TFDP1: variants seen among roughly 807,000 people sequenced by gnomAD.
The protein encoded by TFDP1 is DRTF1-polypeptide 1.
A neutral mutation model predicts 48.0 loss-of-function variants in TFDP1; 6 were observed. That is an observed-to-expected ratio of 0.13 (90% CI 0.07 to 0.25). The LOEUF is 0.25. TFDP1 is among the 10% of genes least tolerant of loss of function. TFDP1 has a pLI of 1.00. For synonymous variants in TFDP1, 201 were observed against 211.6 expected (o/e 0.95, Z 0.44); for missense variants, 335 against 543.0 (o/e 0.62, Z 3.81).
intron 9 of TFDP1, 103 bp downstream of exon 9, chr13:113,636,231 T>C: frequency 2.1e-6 from 3 of 1,429,264 alleles, no homozygotes; most frequent in Non-Finnish European, 2.9e-6. Flanking sequence ...GTTGTACAAA[T>C]AGCAAATGTT....
At chr13:113,608,662 C>T (rs930380840) in intron 2 of TFDP1, among the ~76,000 whole-genome samples, 1 of 152,228 alleles carries the variant, frequency 6.6e-6, no homozygotes, top group African/African-American at 2.4e-5. Context: ...GCCTTACGCA[C>T]CTGGCTGTTC....
intron 5 of TFDP1, 47 bp downstream of exon 5, chr13:113,631,791 T>C: frequency 6.2e-7 from 1 of 1,605,154 alleles, no homozygotes; most frequent in Non-Finnish European, 8.5e-7. Context: ...CTGCTTGCGG[T>C]TCGCACCTCC....
intron 2 of TFDP1, among the ~76,000 whole-genome samples, 187 bp from the exon 3 acceptor site, chr13:113,610,809 G>A (rs1022180081): frequency 6.6e-6 from 1 of 152,224 alleles, no homozygotes; most frequent in African/African-American, 2.4e-5. Flanking sequence ...AGGTGCCATG[G>A]TGATAGTGAC....
chr13:113,620,460 A>G (rs1159649191), intron 3 of TFDP1, among the ~76,000 whole-genome samples: 2 of 152,222 alleles, frequency 1.3e-5, no homozygotes, highest in East Asian at 3.9e-4. Flanking sequence ...GAAATTAGAG[A>G]CTCGTTTGCA....
chr13:113,625,034 TCTCAGGTGTCTCTCACGTGTC>T lies in TFDP1; in HGVS notation c.186+1827_186+1847del, dbSNP rs1210067091. Among the ~76,000 whole-genome samples, 225 of 127,016 alleles carry T rather than the reference TCTCAGGTGTCTCTCACGTGTC, an allele frequency of 1.8e-3. 3 individuals are homozygous for T. The highest frequency in any genetic ancestry group is 3.8e-3 in the East Asian group (14 of 3,678). The allele number at this position is 127,016 out of a possible 152,430, so 83.3% of individuals were successfully genotyped here. A position where few individuals can be genotyped will look rare whatever the true frequency, so the allele number is the denominator to read the frequency against. On this transcript the variant is annotated intron_variant, in intron 4 of 11. Coordinates refer to ENST00000375370, the MANE Select transcript of TFDP1 (RefSeq NM_007111.5). ...TGTCTCTCACGTGTCCTCAGGTGTT[TCTCAGGTGTCTCTCACGTGTC>T]CTCAGGTGTCTCTCACGTGTCCTCA...
rs2048327215 is a variant in TFDP1 at position 113,598,022 on chromosome 13, G to A, written c.12+12173G>A. ...GGCTGCAGGCACGAGGTGTTCAAATGCAGCAGTGACTTCATAAGAAAAGGG... is the reference window on the plus strand; with the variant it reads ...GGCTGCAGGCACGAGGTGTTCAAATACAGCAGTGACTTCATAAGAAAAGGG... On this transcript the variant is annotated intron_variant, in intron 2 of 11. Coordinates refer to ENST00000375370, the MANE Select transcript of TFDP1 (RefSeq NM_007111.5). The surrounding 1 kb of genome is among the most constrained non-coding windows in gnomAD (Gnocchi z 4.2). 6.6e-6 allele frequency among the ~76,000 whole-genome samples: 1 copy of A among 152,168 alleles called. No individual in the cohort carries two copies. The highest frequency in any genetic ancestry group is 6.5e-5 in the Admixed American group (1 of 15,280).
intron 2 of TFDP1, among the ~76,000 whole-genome samples, chr13:113,592,621 GAA>G (rs1392110259): frequency 1.3e-5 from 2 of 152,242 alleles, no homozygotes; most frequent in African/African-American, 2.4e-5. Flanking sequence ...GGGGTCTGAG[GAA>G]AAGAGACAGT....
chr13:113,637,744 AT>A, intron 10 of TFDP1, 73 bp from the exon 11 acceptor site: 1 of 1,613,500 alleles, frequency 6.2e-7, no homozygotes, highest in Non-Finnish European at 8.5e-7. Flanking sequence ...ACTGCGCGTC[AT>A]TTTGTTGGTT....
chr13:113,599,849 G>C (rs568210316), intron 2 of TFDP1, among the ~76,000 whole-genome samples: 1 of 146,128 alleles, frequency 6.8e-6, no homozygotes, highest in South Asian at 2.2e-4. Context: ...AAAGAACCCA[G>C]GACCGTGAAA....
rs558732002 is a variant in TFDP1, at chr13:113,609,210, G to A, written c.13-1786G>A. On this transcript the variant is annotated intron_variant, in intron 2 of 11. Coordinates refer to ENST00000375370, the MANE Select transcript of TFDP1 (RefSeq NM_007111.5). ...TTTCCTTGATATTGCGTCACACGCC[G>A]TCTGTGGGCCCCTGGGGGTGGTGGA... Among the ~76,000 whole-genome samples the A allele has an allele frequency of 7.9e-5, 12 of 152,312 alleles. No individual in the cohort carries two copies. The East Asian group carries it at 1.4e-3, about 17-fold the overall frequency.
At position 113,640,455 on chromosome 13, in the gene TFDP1, G is replaced by A. The variant is rs1469798328; in HGVS notation, c.*188G>A. 1.3e-5 allele frequency: 11 copies of A among 871,640 alleles called. No homozygotes were observed. Among genetic ancestry groups the A allele is most frequent in the African/African-American group, 1.8e-5 (1 of 56,880 alleles). The allele number at this position is 871,640 out of a possible 1,614,324, so 54.0% of individuals were successfully genotyped here. On this transcript the variant is annotated 3_prime_UTR_variant, in exon 12 of 12. Coordinates refer to ENST00000375370, the MANE Select transcript of TFDP1 (RefSeq NM_007111.5). ...GGATTAGGACGTGCTGTGGATGTGTGTTTTGATACCAGTGTGCTGATGCAG... is the reference window on the plus strand; with the variant it reads ...GGATTAGGACGTGCTGTGGATGTGTATTTTGATACCAGTGTGCTGATGCAG...
chr13:113,588,870 GTGA>G lies in TFDP1; in HGVS notation c.12+3024_12+3026del, dbSNP rs567919750. ...TGGTAGGACTGGGGGAGAGAGAGTGGTGATGGTGGTGTAGGTGGAGAGTGAGTG... is the reference window on the plus strand; with the variant it reads ...TGGTAGGACTGGGGGAGAGAGAGTGGTGGTGGTGTAGGTGGAGAGTGAGTG... On this transcript the variant is annotated intron_variant, in intron 2 of 11. Transcript: ENST00000375370. 4.1e-4 allele frequency among the ~76,000 whole-genome samples: 62 copies of G among 152,074 alleles called. 1 individual carries two copies. The South Asian group carries it at 9.6e-3, about 23-fold the overall frequency.
Position 113,613,009 on chromosome 13 carries a change from C to T in TFDP1, c.79+1947C>T, listed in dbSNP as rs140678361. On this transcript the variant is annotated intron_variant, in intron 3 of 11. Transcript: ENST00000375370. Reference sequence around the variant, plus strand: ...CCTGGTGTTGATTCCACCGCACAGACGGTGGTTTTTGTTGTTGTTGTTTTG... The same window carrying T: ...CCTGGTGTTGATTCCACCGCACAGATGGTGGTTTTTGTTGTTGTTGTTTTG... 3.8e-3 allele frequency among the ~76,000 whole-genome samples: 468 copies of T among 123,816 alleles called. 1 individual carries two copies. Among genetic ancestry groups the T allele is most frequent in the African/African-American group, 0.015 (405 of 26,816 alleles). 81.2% of individuals were successfully genotyped at this position (123,816 alleles called of 152,430 possible).
At chr13:113,612,513 G>T (rs949648079) in intron 3 of TFDP1, among the ~76,000 whole-genome samples, 1 of 152,238 alleles carries the variant, frequency 6.6e-6, no homozygotes, top group Admixed American at 6.5e-5. Flanking sequence ...TATCGTTTTA[G>T]TGTAACTAAT....
At chr13:113,640,073 G>A (rs772849872) in intron 11 of TFDP1, 47 bp from the exon 12 acceptor site, 1 of 1,427,158 alleles carries the variant, frequency 7.0e-7, no homozygotes, top group African/African-American at 1.4e-5. Flanking sequence ...GGGGGAGGCT[G>A]GGTGGGCCGC....
intron 2 of TFDP1, among the ~76,000 whole-genome samples, chr13:113,603,222 C>A (rs1482802176): frequency 1.3e-5 from 2 of 152,188 alleles, no homozygotes; most frequent in East Asian, 3.9e-4. Context: ...GCTTGCTGAC[C>A]CCCTCATGGG....
In TFDP1 at chr13:113,633,031, AT is replaced by A. The variant is rs1358488270; in HGVS notation, c.309-87del. On this transcript the variant is annotated intron_variant, in intron 5 of 11. Transcript: ENST00000375370. The surrounding 1 kb of genome is among the most constrained non-coding windows in gnomAD (Gnocchi z 4.5). ...GACGTGGCCCCTTTTTGTGCAGCTC[AT>A]TAGAGCTCTCAGGTAAAAGCATTCC... 6.0e-5 allele frequency: 92 copies of A among 1,539,410 alleles called. No homozygotes were observed. Among genetic ancestry groups the A allele is most frequent in the Non-Finnish European group, 7.3e-5 (83 of 1,129,860 alleles).
chr13:113,635,312 C>G (rs575411876), intron 8 of TFDP1, among the ~76,000 whole-genome samples: 1 of 152,320 alleles, frequency 6.6e-6, no homozygotes, highest in South Asian at 2.1e-4. Flanking sequence ...GATGGAGGCT[C>G]GTGGGCAGGA....
chr13:113,613,227 A>ACTGGTTTCGAACTC (rs1360795146), intron 3 of TFDP1, among the ~76,000 whole-genome samples: 1 of 152,134 alleles, frequency 6.6e-6, no homozygotes, highest in Non-Finnish European at 1.5e-5. Context: ...TGTTGGTCAG[A>ACTGGTTTCGAACTC]CTGGTTTCGA....
Sources: gnomAD v4.1 joint callset for allele counts (sites outside exome capture counted in the v4.1 genomes callset) on GRCh38, gnomAD v4.1.1 for gene constraint, Gnocchi (gnomAD v3.1) non-coding constraint, MANE v1.5 for transcripts, NCBI Gene and HGNC (gene_info 2026-07-23, HGNC 2026-07-21) for gene names.